Variants in SEC22A observed in about 807,000 individuals in gnomAD.
The protein encoded by SEC22A is vesicle-trafficking protein SEC22a.
Under a neutral mutation model 35.3 loss-of-function variants are expected in SEC22A, and 22 were observed. The ratio of observed to expected loss-of-function variants is 0.62; its 90% confidence interval spans 0.45 to 0.89. The LOEUF is 0.89. SEC22A is among the 40% of genes least tolerant of loss of function. The pLI, the probability that SEC22A is intolerant of heterozygous loss-of-function variation, is 0.00. For synonymous variants in SEC22A, 119 were observed against 129.5 expected, an observed-to-expected ratio of 0.92 and a Z score of 0.55; for missense variants, 354 against 362.5, an observed-to-expected ratio of 0.98 and a Z score of 0.19.
At chr3:123,234,916 G>A (rs186732360) in intron 4 of SEC22A, among the ~76,000 whole-genome samples, 94 of 152,074 alleles carry the variant, frequency 6.2e-4, no homozygotes, top group Non-Finnish European at 8.2e-4. Context: ...CCAGCTACTC[G>A]GGAGGCTGAG....
intron 5 of SEC22A, among the ~76,000 whole-genome samples, chr3:123,258,004 A>AAAAAAAAAAAAAAAAT (rs1937778795): frequency 6.6e-6 from 1 of 151,808 alleles, no homozygotes; most frequent in African/African-American, 2.4e-5. Flanking sequence ...TGAAAAAAAA[A>AAAAAAAAAAAAAAAAT]AAAAGGAAGG....
chr3:123,226,685 G>A (rs1423622226), intron 4 of SEC22A, among the ~76,000 whole-genome samples: 1 of 152,078 alleles, frequency 6.6e-6, no homozygotes, highest in Non-Finnish European at 1.5e-5. Flanking sequence ...TCACTTTGTT[G>A]TTTCCTTTGC....
chr3:123,265,408 G>T (rs1938004600), intron 6 of SEC22A, among the ~76,000 whole-genome samples: 1 of 150,952 alleles, frequency 6.6e-6, no homozygotes, highest in Non-Finnish European at 1.5e-5. Context: ...AAAAAAAAAT[G>T]GTTTCAGATC....
chr3:123,258,082 C>T (rs1937782179), intron 5 of SEC22A, among the ~76,000 whole-genome samples: 1 of 151,096 alleles, frequency 6.6e-6, no homozygotes, highest in Non-Finnish European at 1.5e-5. Flanking sequence ...CTATAGTATC[C>T]AATTGTAGGA....
At chr3:123,259,409 C>G (rs994477209) in intron 5 of SEC22A, 115 bp from the exon 6 acceptor site, 2 of 688,980 alleles carry the variant, frequency 2.9e-6, no homozygotes, top group Non-Finnish European at 5.2e-6. Flanking sequence ...TTCTATATAC[C>G]AGTGTGTGAC....
At chr3:123,246,156 C>T (rs1937564278) in intron 5 of SEC22A, 142 bp downstream of exon 5, 1 of 545,330 alleles carries the variant, frequency 1.8e-6, no homozygotes, top group Non-Finnish European at 3.3e-6. Flanking sequence ...CTTTAGCCTC[C>T]TTCTAAAAAC....
At chr3:123,206,628 GAT>G in intron 1 of SEC22A, among the ~76,000 whole-genome samples, 1 of 152,168 alleles carries the variant, frequency 6.6e-6, no homozygotes, top group African/African-American at 2.4e-5. Flanking sequence ...TTATAGTATA[GAT>G]ATCTCTTCAG....
At position 123,255,219 on chromosome 3, in the gene SEC22A, T is replaced by A. The variant is rs575864457; in HGVS notation, c.658-4305T>A. Among the ~76,000 whole-genome samples, 8 of 152,374 alleles carry A rather than the reference T, an allele frequency of 5.3e-5. No homozygotes were observed. In the East Asian group the frequency reaches 1.5e-3, roughly 29 times the overall value. ...TAATAGTTTAATGTATTTACATTTT[T>A]CTTCATGACAAATCTCTCATCCGTT... is the stretch of plus-strand genomic sequence containing the variant. On this transcript the variant is annotated intron_variant, in intron 5 of 6. Coordinates refer to ENST00000492595, the MANE Select transcript of SEC22A (RefSeq NM_012430.5).
At chr3:123,250,431 G>C (rs1016262899) in intron 5 of SEC22A, among the ~76,000 whole-genome samples, 3 of 151,982 alleles carry the variant, frequency 2.0e-5, no homozygotes, top group African/African-American at 7.2e-5. Context: ...AAAAAAATAA[G>C]AAGTTGGAGG....
chr3:123,235,947 A>C (rs1220506692), intron 4 of SEC22A, among the ~76,000 whole-genome samples: 1 of 152,242 alleles, frequency 6.6e-6, no homozygotes, highest in East Asian at 1.9e-4. Context: ...GTCAATCACA[A>C]GAAGGTCACA....
chr3:123,221,132 A>G (rs1209914905), intron 2 of SEC22A, among the ~76,000 whole-genome samples: 1 of 145,628 alleles, frequency 6.9e-6, no homozygotes, highest in African/African-American at 2.8e-5. Context: ...TATTCGAGAA[A>G]GAAAATAGTA....
chr3:123,219,439 T>C (rs1937086595), intron 2 of SEC22A, among the ~76,000 whole-genome samples: 1 of 152,198 alleles, frequency 6.6e-6, no homozygotes, highest in Non-Finnish European at 1.5e-5. Flanking sequence ...TGGAAGTTGG[T>C]ATTGTATTGT....
intron 2 of SEC22A, among the ~76,000 whole-genome samples, chr3:123,213,400 A>G (rs1356024004): frequency 6.6e-6 from 1 of 152,208 alleles, no homozygotes; most frequent in Non-Finnish European, 1.5e-5. Context: ...TGCTGTAGCA[A>G]CATCATAGCA....
At chr3:123,235,709 A>G (rs1937406914) in intron 4 of SEC22A, among the ~76,000 whole-genome samples, 1 of 152,230 alleles carries the variant, frequency 6.6e-6, no homozygotes, top group South Asian at 2.1e-4. Flanking sequence ...ACATATGTCC[A>G]CACAAAAATA....
intron 1 of SEC22A, chr3:123,208,528 TG>T (rs1385924502): frequency 1.3e-5 from 2 of 152,096 alleles, no homozygotes; most frequent in Non-Finnish European, 2.9e-5. Context: ...CTAATGTGGC[TG>T]GGTGTGGTGG....
Position 123,259,553 on chromosome 3 carries a change from T to A in SEC22A, c.687T>A (p.Ile229=). ...ATGGTGATGATTTTAATTACATCAT[T>A]GCATTTTTCCTTGGAACAGCAGCCT... ...QSDGDDFNYI[I]AFFLGTAACL... is the part of the protein sequence containing the mutation. Residue 229 remains isoleucine (I), a synonymous_variant, in exon 6 of 7, where the codon ATT becomes ATA. Transcript: ENST00000492595. 6.2e-7 allele frequency: 1 copy of A among 1,613,464 alleles called. No individual in the cohort carries two copies. Among genetic ancestry groups the A allele is most frequent in the Non-Finnish European group, 8.5e-7 (1 of 1,179,574 alleles).
intron 2 of SEC22A, among the ~76,000 whole-genome samples, chr3:123,210,879 G>A (rs1936930835): frequency 6.6e-6 from 1 of 152,150 alleles, no homozygotes; most frequent in Non-Finnish European, 1.5e-5. Flanking sequence ...CGGAGGAGAG[G>A]CAGAATAAGC....
intron 1 of SEC22A, chr3:123,208,777 T>G: frequency 5.6e-6 from 1 of 179,606 alleles, no homozygotes; most frequent in Non-Finnish European, 1.2e-5. Flanking sequence ...GCATAGTATG[T>G]TGTTTTAATT....
chr3:123,242,978 T>C (rs1381514505), intron 4 of SEC22A, among the ~76,000 whole-genome samples: 1 of 152,294 alleles, frequency 6.6e-6, no homozygotes, highest in African/African-American at 2.4e-5. Context: ...TATGAGAATC[T>C]TGTTCTTCAG....
Sources: allele counts gnomAD v4.1 joint callset (sites outside exome capture counted in the v4.1 genomes callset), GRCh38; gene constraint gnomAD v4.1.1; transcripts MANE v1.5; gene names NCBI Gene and HGNC (gene_info 2026-07-23, HGNC 2026-07-21).